Variants in EYS observed in about 807,000 individuals in gnomAD.
EYS encodes the protein EGF-like photoreceptor maintenance factor.
Under a neutral mutation model 282.1 loss-of-function variants are expected in EYS, and 250 were observed. The ratio of observed to expected loss-of-function variants is 0.89; its 90% confidence interval spans 0.80 to 0.98. EYS has a LOEUF of 0.98. EYS is among the 50% of genes least tolerant of loss of function. EYS has a pLI of 0.00. For synonymous variants in EYS, 1,355 were observed against 1,282.9 expected, an observed-to-expected ratio of 1.06 and a Z score of -1.20; for missense variants, 4,016 against 3,709.0, an observed-to-expected ratio of 1.08 and a Z score of -2.15.
At chr6:65,669,221 G>A (rs981745235) in intron 1 of EYS, among the ~76,000 whole-genome samples, 3 of 151,854 alleles carry the variant, frequency 2.0e-5, no homozygotes, top group Admixed American at 6.6e-5. Flanking sequence ...TAAACTACAG[G>A]CGATGAATGT....
At chr6:64,092,625 T>C (rs1344610219) in intron 31 of EYS, among the ~76,000 whole-genome samples, 5 of 152,342 alleles carry the variant, frequency 3.3e-5, no homozygotes, top group African/African-American at 1.2e-4. Flanking sequence ...GTAAATTTGT[T>C]TGAGTACATT....
intron 5 of EYS, among the ~76,000 whole-genome samples, chr6:65,406,165 G>A (rs972127893): frequency 1.3e-5 from 2 of 151,912 alleles, no homozygotes; most frequent in South Asian, 2.1e-4. Flanking sequence ...ATTCACTAAT[G>A]ACTAATTATT....
chr6:65,470,054 G>A (rs1301734698), intron 5 of EYS, among the ~76,000 whole-genome samples: 1 of 152,094 alleles, frequency 6.6e-6, no homozygotes, highest in Non-Finnish European at 1.5e-5. Flanking sequence ...AGGAGTTTAT[G>A]GTAATACCAT....
chr6:64,345,229 G>T (rs1408662350), intron 29 of EYS, among the ~76,000 whole-genome samples: 3 of 152,124 alleles, frequency 2.0e-5, no homozygotes, highest in Non-Finnish European at 2.9e-5. Context: ...CCAAAAAAGA[G>T]CCCACATTGC....
chr6:63,945,270 A>G (rs1765362116), intron 35 of EYS, among the ~76,000 whole-genome samples: 1 of 152,132 alleles, frequency 6.6e-6, no homozygotes, highest in Admixed American at 6.5e-5. Context: ...AGAATGAGAA[A>G]CCAGAGAAGC....
chr6:65,372,828 T>C (rs1178513595), intron 8 of EYS, among the ~76,000 whole-genome samples: 1 of 152,062 alleles, frequency 6.6e-6, no homozygotes, highest in Non-Finnish European at 1.5e-5. Flanking sequence ...GAGCATGACT[T>C]AGAATTAATA....
chr6:64,399,690 T>A (rs1401954694), intron 28 of EYS, among the ~76,000 whole-genome samples: 2 of 151,928 alleles, frequency 1.3e-5, no homozygotes, highest in Non-Finnish European at 2.9e-5. Flanking sequence ...AAATAATTTT[T>A]TTAATATAAG....
intron 11 of EYS, among the ~76,000 whole-genome samples, chr6:65,320,247 A>G (rs1245098668): frequency 6.6e-6 from 1 of 151,270 alleles, no homozygotes; most frequent in Non-Finnish European, 1.5e-5. Context: ...AGCCAATGAG[A>G]GATTCCAAAA....
chr6:64,658,580 C>T (rs1054618394), intron 22 of EYS, among the ~76,000 whole-genome samples: 1 of 152,178 alleles, frequency 6.6e-6, no homozygotes, highest in Non-Finnish European at 1.5e-5. Context: ...ACAGTCAGGA[C>T]CCTCAGCTGG....
chr6:64,040,914 A>G (rs997961498), intron 33 of EYS, among the ~76,000 whole-genome samples: 14 of 152,172 alleles, frequency 9.2e-5, no homozygotes, highest in Non-Finnish European at 1.0e-4. Flanking sequence ...GAAAAATACA[A>G]CCTGTGTTTA....
chr6:64,321,514 C>T (rs1488842507), intron 29 of EYS, among the ~76,000 whole-genome samples: 2 of 151,664 alleles, frequency 1.3e-5, no homozygotes, highest in Non-Finnish European at 3.0e-5. Flanking sequence ...AAATTAATGA[C>T]TTTAATAAAT....
chr6:65,241,983 GAATT>G (rs1217852294), intron 12 of EYS, among the ~76,000 whole-genome samples: 3 of 151,980 alleles, frequency 2.0e-5, no homozygotes, highest in African/African-American at 4.8e-5. Flanking sequence ...TAAAAATAGT[GAATT>G]AGAGAAAATA....
intron 14 of EYS, among the ~76,000 whole-genome samples, chr6:64,995,221 G>T (rs893112972): frequency 2.0e-5 from 3 of 152,192 alleles, no homozygotes; most frequent in Non-Finnish European, 2.9e-5. Flanking sequence ...GAGCTTCCTT[G>T]GTTGGTTACA....
chr6:65,305,740 T>C (rs1768986982), intron 11 of EYS, among the ~76,000 whole-genome samples: 1 of 152,268 alleles, frequency 6.6e-6, no homozygotes, highest in Non-Finnish European at 1.5e-5. Context: ...TCCCTTTTCT[T>C]CTTCAGTACT....
At chr6:64,747,347 C>T (rs1772591644) in intron 22 of EYS, among the ~76,000 whole-genome samples, 2 of 151,932 alleles carry the variant, frequency 1.3e-5, no homozygotes, top group Non-Finnish European at 2.9e-5. Flanking sequence ...CATTTTTGAC[C>T]TTGTAGTTCT....
At chr6:65,131,050 A>T (rs1435183337) in intron 12 of EYS, among the ~76,000 whole-genome samples, 1 of 151,592 alleles carries the variant, frequency 6.6e-6, no homozygotes, top group Non-Finnish European at 1.5e-5. Context: ...TTTATAAAAA[A>T]TATATATTTG....
intron 19 of EYS, among the ~76,000 whole-genome samples, chr6:64,836,558 A>G (rs1185887928): frequency 6.6e-6 from 1 of 151,616 alleles, no homozygotes; most frequent in Non-Finnish European, 1.5e-5. Flanking sequence ...AGCAGGCAGT[A>G]ACATGCATAT....
chr6:64,457,632 T>C (rs946368444), intron 26 of EYS, among the ~76,000 whole-genome samples: 2 of 152,098 alleles, frequency 1.3e-5, no homozygotes, highest in Admixed American at 6.6e-5. Context: ...TTTAACGTCA[T>C]TTTTGAATTA....
rs749749331 is a variant in EYS at position 64,992,919 on chromosome 6, AACTGGGACCTGACC to A, written c.2259+4649_2259+4662del. Among the ~76,000 whole-genome samples, 209 of 152,166 alleles carry A rather than the reference AACTGGGACCTGACC, an allele frequency of 1.4e-3. 1 individual carries two copies. The highest frequency in any genetic ancestry group is 0.01 in the Middle Eastern group (3 of 294). On this transcript the variant is annotated intron_variant, in intron 14 of 42. Transcript: ENST00000503581. ...TTCCAACTTGGTATACTGAAGGGAC[AACTGGGACCTGACC>A]ACTGATTAGCTAAGCATCATGCCCT...
Sources: gnomAD v4.1 joint callset for allele counts (sites outside exome capture counted in the v4.1 genomes callset) on GRCh38, gnomAD v4.1.1 for gene constraint, MANE v1.5 for transcripts, NCBI Gene and HGNC (gene_info 2026-07-23, HGNC 2026-07-21) for gene names.